Variants in NARF observed in about 807,000 individuals in gnomAD.
The protein encoded by NARF is nuclear prelamin A recognition factor.
NARF carries 41 observed loss-of-function variants against 48.0 expected under a neutral mutation model. The observed-to-expected ratio is 0.85, with a 90% confidence interval of 0.66 to 1.11. NARF has a LOEUF of 1.11. Among genes scored for constraint, NARF ranks in the 50% least tolerant of loss-of-function variants. The probability of loss-of-function intolerance (pLI) is 0.00; values close to 1 mark genes in which losing one functional copy is unlikely to be tolerated. For synonymous variants in NARF, 215 were observed against 225.5 expected (o/e 0.95, Z 0.42); for missense variants, 613 against 590.2 (o/e 1.04, Z -0.40).
At chr17:82,481,772 C>G (rs1012937468) in intron 7 of NARF, 2 of 432,426 alleles carry the variant, frequency 4.6e-6, no homozygotes, top group African/African-American at 2.1e-5. Context: ...GGGAGAACCA[C>G]TTGGGCAGTG....
chr17:82,470,172 G>C (rs1202097778), intron 4 of NARF, among the ~76,000 whole-genome samples: 4 of 152,174 alleles, frequency 2.6e-5, no homozygotes, highest in Non-Finnish European at 4.4e-5. Context: ...GCAGCAGCCT[G>C]GGGGTCCTGA....
rs1197889035 is a variant in NARF, at chr17:82,472,661, G to A, written c.483G>A (p.Glu161=). 6.2e-7 allele frequency: 1 copy of A among 1,613,912 alleles called. No individual in the cohort carries two copies. Among genetic ancestry groups the A allele is most frequent in the Non-Finnish European group, 8.5e-7 (1 of 1,179,938 alleles). ...FVRRYRQHSE[E]ERTLPMLTSA... is the part of the protein sequence containing the mutation. ...GTCGCTATCGCCAGCACAGTGAGGAGGAACGCACCCTGCCCATGCTGACCT... is the reference window on the plus strand; with the variant it reads ...GTCGCTATCGCCAGCACAGTGAGGAAGAACGCACCCTGCCCATGCTGACCT... The change falls in exon 5 of 11, where the codon GAG becomes GAA. Residue 161 remains glutamate (E), a synonymous_variant. Transcript: ENST00000309794.
Position 82,483,753 on chromosome 17 carries a change from A to G in NARF, c.807A>G (p.Ser269=). The G allele has an allele frequency of 6.2e-7, 1 of 1,613,858 alleles. No homozygotes were observed. The highest frequency in any genetic ancestry group is 1.3e-5 in the African/African-American group (1 of 75,038). Residue 269 remains serine (S), a synonymous_variant, in exon 8 of 11, where the codon TCA becomes TCG. Coordinates refer to ENST00000309794, the MANE Select transcript of NARF (RefSeq NM_012336.4). ...IAQIMEQGDL[S]VRDAAVDTLF... The stretch of plus-strand genomic sequence containing the variant: ...AAATAATGGAGCAAGGTGACCTCTC[A>G]GTGAGAGATGCTGCCGTCGACACTC...
At chr17:82,482,622 G>C (rs2043999064) in intron 7 of NARF, 3 of 153,056 alleles carry the variant, frequency 2.0e-5, no homozygotes, top group Admixed American at 2.0e-4. Flanking sequence ...AGGAAATACA[G>C]AAAGTGGTTC....
In NARF at chr17:82,478,856, A is replaced by G; in HGVS notation, c.577A>G (p.Thr193Ala). 6.2e-7 allele frequency: 1 copy of G among 1,613,940 alleles called. No homozygotes were observed. Among genetic ancestry groups the G allele is most frequent in the Non-Finnish European group, 8.5e-7 (1 of 1,179,958 alleles). ...TCGCCCCATCACTGCCCACCTCTGC[A>G]CCGCCAAGTCCCCCCAGCAGGTCAT... The part of the protein sequence containing the change: ...LGRPITAHLC[T>A]AKSPQQVMGS... Residue 193 changes from threonine to alanine, a missense_variant, in exon 6 of 11, where the codon ACC (threonine) becomes GCC (alanine). By Grantham distance (58) the Thr-to-Ala change is moderately conservative. Coordinates refer to ENST00000309794, the MANE Select transcript of NARF (RefSeq NM_012336.4).
In NARF at chr17:82,483,729, A is replaced by T; in HGVS notation, c.783A>T (p.Gln261His). ...DCVLTSGEIA[Q>H]IMEQGDLSVR... ...GTTTGTCTGCAGGTGAAATTGCTCA[A>T]ATAATGGAGCAAGGTGACCTCTCAG... is the stretch of plus-strand genomic sequence containing the variant. The change falls in exon 8 of 11, where the codon CAA becomes CAT. Residue 261 changes from glutamine to histidine, a missense_variant. Gln to His is a conservative substitution (Grantham distance 24). Coordinates refer to ENST00000309794, the MANE Select transcript of NARF (RefSeq NM_012336.4). 1 of 1,613,990 alleles carries T rather than the reference A, an allele frequency of 6.2e-7. No homozygotes were observed. The highest frequency in any genetic ancestry group is 8.5e-7 in the Non-Finnish European group (1 of 1,179,978).
In NARF at chr17:82,484,552, G is replaced by A. The variant is rs1229048207; in HGVS notation, c.834-261G>A. 5 of 344,960 alleles carry A rather than the reference G, an allele frequency of 1.4e-5. No homozygotes were observed. The East Asian group carries it at 2.0e-4, about 14-fold the overall frequency. 21.4% of individuals were successfully genotyped at this position (344,960 alleles called of 1,614,324 possible). ...TGTCTCCAAAAGAAAAAGACCATAA[G>A]CATCTGGAGCACCTGCAAGAGCCTG... On this transcript the variant is annotated intron_variant, in intron 8 of 10. Coordinates refer to ENST00000309794, the MANE Select transcript of NARF (RefSeq NM_012336.4).
intron 8 of NARF, 69 bp downstream of exon 8, chr17:82,483,848 C>G: frequency 6.8e-7 from 1 of 1,464,632 alleles, no homozygotes; most frequent in Non-Finnish European, 9.5e-7. Context: ...AGCCACCTGC[C>G]AGGCCCAGGG....
Position 82,472,269 on chromosome 17 carries a change from G to A in NARF, c.386-295G>A, listed in dbSNP as rs2043728252. 2.0e-5 allele frequency among the ~76,000 whole-genome samples: 3 copies of A among 152,252 alleles called. 1 individual carries two copies. The South Asian group carries it at 6.2e-4, about 32-fold the overall frequency. On this transcript the variant is annotated intron_variant, in intron 4 of 10. Coordinates refer to ENST00000309794, the MANE Select transcript of NARF (RefSeq NM_012336.4). ...AGGCCAAGGTGGGTAGATCACTTGA[G>A]GCTAGGAATTCAAGACCAGCCTGGC... is the stretch of plus-strand genomic sequence containing the variant.
At chr17:82,481,915 T>A (rs1021089044) in intron 7 of NARF, 48 of 322,952 alleles carry the variant, frequency 1.5e-4, no homozygotes, top group African/African-American at 1.0e-3. Context: ...TTTTTTTCAT[T>A]CAGAATAAAA....
intron 10 of NARF, 106 bp from the exon 11 acceptor site, chr17:82,487,810 A>C (rs1281948455): frequency 5.3e-6 from 7 of 1,315,254 alleles, no homozygotes; most frequent in Non-Finnish European, 6.3e-6. Context: ...AAAATTTAAA[A>C]ATCAGCCGGG....
At position 82,458,744 on chromosome 17, in the gene NARF, C is replaced by T. The variant is rs927606838; in HGVS notation, c.-60C>T. 5 of 1,473,538 alleles carry T rather than the reference C, an allele frequency of 3.4e-6. No individual in the cohort carries two copies. The highest frequency in any genetic ancestry group is 4.5e-6 in the Non-Finnish European group (5 of 1,119,040). The allele number at this position is 1,473,538 out of a possible 1,614,324, so 91.3% of individuals were successfully genotyped here. ...GCCGCGGGCGGCGGGCAGTGGTGTC[C>T]CAGTCTCCCGGTGCTTCCCTGAGGC... is the stretch of plus-strand genomic sequence containing the variant. On this transcript the variant is annotated 5_prime_UTR_variant, in exon 1 of 11. Coordinates refer to ENST00000309794, the MANE Select transcript of NARF (RefSeq NM_012336.4).
intron 4 of NARF, among the ~76,000 whole-genome samples, chr17:82,471,617 C>T (rs1462829010): frequency 7.0e-6 from 1 of 142,910 alleles, no homozygotes; most frequent in African/African-American, 2.6e-5. Context: ...ACGGTGAAAC[C>T]CCATCTCTAC....
At chr17:82,473,435 C>CTGTCACCCAG (rs2043762347) in intron 5 of NARF, among the ~76,000 whole-genome samples, 1 of 151,794 alleles carries the variant, frequency 6.6e-6, no homozygotes, top group African/African-American at 2.4e-5. Context: ...GAGTCTCGCT[C>CTGTCACCCAG]TGTCACCCAG....
intron 3 of NARF, among the ~76,000 whole-genome samples, chr17:82,466,291 CCT>C (rs976885622): frequency 2.6e-5 from 4 of 152,124 alleles, no homozygotes; most frequent in Non-Finnish European, 4.4e-5. Context: ...TTTTTTCCCC[CCT>C]GATACATAGA....
chr17:82,481,055 C>G (rs773592581), intron 6 of NARF, 27 bp from the exon 7 acceptor site: 2 of 1,613,864 alleles, frequency 1.2e-6, no homozygotes, highest in South Asian at 1.1e-5. Context: ...TTCACCAGCC[C>G]TAAATATGGG....
chr17:82,484,561 G>A (rs1361020952), intron 8 of NARF: 8 of 369,286 alleles, frequency 2.2e-5, no homozygotes, highest in Non-Finnish European at 3.9e-5. Flanking sequence ...AGCATCTGGA[G>A]CACCTGCAAG....
At chr17:82,468,710 T>C in intron 3 of NARF, 54 bp from the exon 4 acceptor site, 1 of 1,586,728 alleles carries the variant, frequency 6.3e-7, no homozygotes, top group Non-Finnish European at 8.6e-7. Flanking sequence ...GGTGTGTAAC[T>C]TTTACTCCTT....
At chr17:82,481,745 AAG>A in intron 7 of NARF, 8 of 432,916 alleles carry the variant, frequency 1.8e-5, no homozygotes, top group African/African-American at 1.1e-4. Flanking sequence ...AAAAAAAAAA[AAG>A]ATAAATCAGG....
Sources: allele counts gnomAD v4.1 joint callset (sites outside exome capture counted in the v4.1 genomes callset), GRCh38; gene constraint gnomAD v4.1.1; transcripts MANE v1.5; gene names NCBI Gene and HGNC (gene_info 2026-07-23, HGNC 2026-07-21).